The following TRIM5 variants were observed in gnomAD, a reference collection of about 807,000 sequenced individuals.
TRIM5 encodes the protein tripartite motif containing 5, also known as tripartite motif-containing protein 5.
Under a neutral mutation model 35.6 loss-of-function variants are expected in TRIM5, and 31 were observed. The observed-to-expected ratio is 0.87, with a 90% CI of 0.65 to 1.18. The LOEUF is 1.18. TRIM5 is among the 50% of genes most tolerant of loss of function. The pLI, the probability that TRIM5 is intolerant of heterozygous loss-of-function variation, is 0.00. For synonymous variants in TRIM5, 243 were observed against 215.6 expected (o/e 1.13, Z -1.11); for missense variants, 609 against 591.6 (o/e 1.03, Z -0.31).
chr11:5,657,661 T>C, the TRIM5 span, among the ~76,000 whole-genome samples: 10 of 104,238 alleles, frequency 9.6e-5, no homozygotes, highest in South Asian at 2.3e-3. Flanking sequence ...ATATATAATA[T>C]ATATTTATAA....
chr11:5,624,793 T>C, the TRIM5 span: 2 of 152,242 alleles, frequency 1.3e-5, no homozygotes, highest in African/African-American at 2.4e-5. Context: ...TCCTCCATTC[T>C]GCCCTCGAGA....
chr11:5,628,118 C>T, the TRIM5 span, among the ~76,000 whole-genome samples: 1,252 of 152,272 alleles, frequency 8.2e-3, 10 homozygotes, highest in Non-Finnish European at 0.013. Flanking sequence ...CACGTGGGAC[C>T]GTGGTTACTC....
At chr11:5,662,655 G>T (rs778316553), downstream of TRIM5, among the ~76,000 whole-genome samples, 3 of 152,126 alleles carry the variant, frequency 2.0e-5, no homozygotes, top group East Asian at 3.8e-4. Context: ...TAAGAACAAA[G>T]ATTTTTTTTC....
At chr11:5,591,972 T>G in the TRIM5 span, among the ~76,000 whole-genome samples, 3 of 152,212 alleles carry the variant, frequency 2.0e-5, no homozygotes, top group East Asian at 5.8e-4. Flanking sequence ...GCTGAGGTTA[T>G]AACATCTTGT....
chr11:5,596,985 T>G, the TRIM5 span: 1 of 1,610,572 alleles, frequency 6.2e-7, no homozygotes, highest in Non-Finnish European at 8.5e-7. Context: ...GTGAAAGAGA[T>G]AAGGTCCTTT....
At chr11:5,639,495 A>G in the TRIM5 span, among the ~76,000 whole-genome samples, 2 of 151,954 alleles carry the variant, frequency 1.3e-5, no homozygotes, top group Non-Finnish European at 2.9e-5. Context: ...CTTGGCTAAC[A>G]CAGTGAAACC....
chr11:5,633,619 C>T, the TRIM5 span, among the ~76,000 whole-genome samples: 1 of 152,206 alleles, frequency 6.6e-6, no homozygotes, highest in Admixed American at 6.5e-5. Flanking sequence ...TGATTTTCAT[C>T]ACAATGAATG....
chr11:5,662,786 T>A (rs947360200), downstream of TRIM5, among the ~76,000 whole-genome samples: 1 of 152,202 alleles, frequency 6.6e-6, no homozygotes, highest in Non-Finnish European at 1.5e-5. Flanking sequence ...TTACATATTG[T>A]TAAAAATTAT....
chr11:5,605,252 T>C, the TRIM5 span: 1 of 1,590,832 alleles, frequency 6.3e-7, no homozygotes, highest in Non-Finnish European at 8.6e-7. Flanking sequence ...AGGAAAGCAG[T>C]CCTGAGCCCA....
At chr11:5,597,006 A>G in the TRIM5 span, 1 of 1,596,160 alleles carries the variant, frequency 6.3e-7, no homozygotes, top group Non-Finnish European at 8.5e-7. Context: ...CCCTTTCGGA[A>G]CTCATTATAT....
chr11:5,641,351 T>C, the TRIM5 span: 1 of 1,471,548 alleles, frequency 6.8e-7, no homozygotes. Context: ...ATTTGAGTGT[T>C]CCGTAACTAT....
In TRIM5 at chr11:5,663,242, AACT is replaced by A. The variant is rs1850895050; in HGVS notation, c.*1564_*1566del. 3 of 951,610 alleles carry A rather than the reference AACT, an allele frequency of 3.2e-6. No homozygotes were observed. The highest frequency in any genetic ancestry group is 1.8e-5 in the African/African-American group (1 of 56,592). The allele number at this position is 951,610 out of a possible 1,614,324, so 58.9% of individuals were successfully genotyped here. A position where few individuals can be genotyped will look rare whatever the true frequency, so the allele number is the denominator to read the frequency against. On this transcript the variant is annotated 3_prime_UTR_variant, in exon 8 of 8. Transcript: ENST00000380034. Reference sequence around the variant, plus strand: ...CAAAAAACTCGTTTAACTTTTAAAAAACTACATCAGCTAATTTTATTATAATTA... The same window carrying A: ...CAAAAAACTCGTTTAACTTTTAAAAAACATCAGCTAATTTTATTATAATTA...
At chr11:5,622,937 C>T in the TRIM5 span, among the ~76,000 whole-genome samples, 1 of 152,156 alleles carries the variant, frequency 6.6e-6, no homozygotes, top group African/African-American at 2.4e-5. Flanking sequence ...TGTGAGACAT[C>T]AATCAATATA....
At chr11:5,625,393 T>G in the TRIM5 span, among the ~76,000 whole-genome samples, 1 of 152,214 alleles carries the variant, frequency 6.6e-6, no homozygotes, top group African/African-American at 2.4e-5. Context: ...TCTCTCTTTC[T>G]CTCTCTCAAA....
At chr11:5,683,641 GT>G (rs778499865) in intron 1 of TRIM5, among the ~76,000 whole-genome samples, 1 of 152,018 alleles carries the variant, frequency 6.6e-6, no homozygotes, top group Non-Finnish European at 1.5e-5. Context: ...TCGACACTCT[GT>G]ATCTAGCTAC....
intron 2 of TRIM5, 132 bp downstream of exon 2, chr11:5,679,629 A>T: frequency 4.1e-6 from 4 of 964,762 alleles, no homozygotes; most frequent in South Asian, 3.9e-5. Context: ...CTCAGAAGTT[A>T]AGCATAGCAT....
At chr11:5,612,297 A>C in the TRIM5 span, 12 of 152,236 alleles carry the variant, frequency 7.9e-5, no homozygotes, top group African/African-American at 2.9e-4. Context: ...CTCTAAAACC[A>C]AACCATTATA....
At chr11:5,617,667 T>A in the TRIM5 span, among the ~76,000 whole-genome samples, 2 of 142,748 alleles carry the variant, frequency 1.4e-5, no homozygotes, top group African/African-American at 5.1e-5. Flanking sequence ...TTTTGTGTTT[T>A]TTAGTAGAGA....
the TRIM5 span, among the ~76,000 whole-genome samples, chr11:5,638,335 G>A: frequency 2.6e-5 from 4 of 152,250 alleles, no homozygotes; most frequent in African/African-American, 4.8e-5. Context: ...AATTGTGACA[G>A]AGGTTTGAGC....
Sources: allele counts gnomAD v4.1 joint callset (sites outside exome capture counted in the v4.1 genomes callset), GRCh38; gene constraint gnomAD v4.1.1; transcripts MANE v1.5; gene names NCBI Gene and HGNC (gene_info 2026-07-23, HGNC 2026-07-21).